Variants in PTCHD4 observed in about 807,000 individuals in gnomAD.
PTCHD4 encodes patched domain containing 4.
PTCHD4 carries 33 observed loss-of-function variants against 58.1 expected under a neutral mutation model. The ratio of observed to expected loss-of-function variants is 0.57; its 90% confidence interval spans 0.43 to 0.76. PTCHD4 has a LOEUF of 0.76. Ranked by LOEUF, PTCHD4 falls within the 30% of genes least tolerant of loss-of-function variation. The probability of loss-of-function intolerance (pLI) is 0.00; values close to 1 mark genes in which losing one functional copy is unlikely to be tolerated. For missense variants in PTCHD4, 1,058 were observed against 1,027.1 expected (o/e 1.03, Z -0.41); for synonymous variants, 478 against 409.6 (o/e 1.17, Z -2.02).
chr6:48,080,577 G>A (rs1328326815), intron 1 of PTCHD4, among the ~76,000 whole-genome samples: 2 of 152,200 alleles, frequency 1.3e-5, no homozygotes, highest in Admixed American at 1.3e-4. Flanking sequence ...ATGCTCTCTA[G>A]AGTTGTACTC....
At chr6:47,935,152 C>T (rs6910860) in intron 4 of PTCHD4, among the ~76,000 whole-genome samples, 2 of 152,046 alleles carry the variant, frequency 1.3e-5, no homozygotes, top group Non-Finnish European at 2.9e-5. Context: ...AAAATCAGAG[C>T]CATTTTTCTT....
At chr6:48,066,288 A>G (rs1428684638) in intron 3 of PTCHD4, among the ~76,000 whole-genome samples, 1 of 152,128 alleles carries the variant, frequency 6.6e-6, no homozygotes, top group Non-Finnish European at 1.5e-5. Context: ...GGGATTTTAT[A>G]CTGTAAATAG....
At chr6:48,032,003 T>C (rs535529056) in intron 3 of PTCHD4, among the ~76,000 whole-genome samples, 10 of 152,240 alleles carry the variant, frequency 6.6e-5, no homozygotes, top group South Asian at 6.2e-4. Context: ...TGCCTTTTAA[T>C]GGTAAATTTG....
intron 3 of PTCHD4, among the ~76,000 whole-genome samples, chr6:48,022,296 C>T (rs1026155395): frequency 6.6e-6 from 1 of 151,540 alleles, no homozygotes; most frequent in Admixed American, 6.6e-5. Context: ...ACCTCAAAGC[C>T]ACAGTGAGGG....
intron 1 of PTCHD4, among the ~76,000 whole-genome samples, chr6:48,070,366 T>G (rs897912868): frequency 6.6e-6 from 1 of 152,162 alleles, no homozygotes. Flanking sequence ...ACAAACAAGC[T>G]AAAGGACTCC....
At chr6:48,085,238 ATTT>A (rs1419940521) in intron 1 of PTCHD4, among the ~76,000 whole-genome samples, 1 of 152,078 alleles carries the variant, frequency 6.6e-6, no homozygotes, top group Non-Finnish European at 1.5e-5. Flanking sequence ...AATACCTTAC[ATTT>A]TTACAAGCTT....
chr6:47,945,455 T>A (rs1766378801), intron 4 of PTCHD4, among the ~76,000 whole-genome samples: 1 of 152,072 alleles, frequency 6.6e-6, no homozygotes, highest in Non-Finnish European at 1.5e-5. Context: ...AGGTAAACTC[T>A]CTCTTAAATT....
rs935896802 is a variant in PTCHD4, at chr6:47,862,338, AT to A, written c.*15964del. ...TACAACCATTTTCAACACATACTAA[AT>A]TTTTTTTGTAGGCTGCTTTCCCCCT... On this transcript the variant is annotated 3_prime_UTR_variant, in exon 5 of 5. Coordinates refer to ENST00000339488, the MANE Select transcript of PTCHD4 (RefSeq NM_001384253.1). Among the ~76,000 whole-genome samples the A allele has an allele frequency of 2.0e-5, 3 of 151,516 alleles. No individual in the cohort carries two copies. Among genetic ancestry groups the A allele is most frequent in the African/African-American group, 4.8e-5 (2 of 41,326 alleles).
chr6:47,950,787 G>T (rs1766615667), intron 4 of PTCHD4, among the ~76,000 whole-genome samples: 1 of 152,142 alleles, frequency 6.6e-6, no homozygotes, highest in Non-Finnish European at 1.5e-5. Flanking sequence ...CGAGTCAATA[G>T]ATAGAGAAAG....
intron 4 of PTCHD4, among the ~76,000 whole-genome samples, chr6:47,921,556 T>C (rs1038706057): frequency 6.6e-6 from 1 of 152,210 alleles, no homozygotes; most frequent in African/African-American, 2.4e-5. Flanking sequence ...CAATGCCGTA[T>C]TAGTTGAAAC....
intron 4 of PTCHD4, among the ~76,000 whole-genome samples, chr6:47,888,855 T>G (rs1486641961): frequency 8.0e-6 from 1 of 125,534 alleles, no homozygotes; most frequent in Non-Finnish European, 1.6e-5. Context: ...CCCCTTCCTG[T>G]GTCCATGTGA....
At chr6:48,107,374 C>T (rs539574962) in intron 1 of PTCHD4, among the ~76,000 whole-genome samples, 1 of 152,070 alleles carries the variant, frequency 6.6e-6, no homozygotes, top group Non-Finnish European at 1.5e-5. Flanking sequence ...TTAATAAATG[C>T]TGCTGGGAAA....
chr6:47,921,923 C>A (rs1485768833), intron 4 of PTCHD4, among the ~76,000 whole-genome samples: 5 of 145,708 alleles, frequency 3.4e-5, no homozygotes, highest in African/African-American at 1.3e-4. Flanking sequence ...CCAGCCTGGG[C>A]AGCATAGCAA....
At chr6:48,101,690 T>C (rs1765606152) in intron 1 of PTCHD4, among the ~76,000 whole-genome samples, 1 of 152,202 alleles carries the variant, frequency 6.6e-6, no homozygotes, top group South Asian at 2.1e-4. Context: ...GCCCCTAAAA[T>C]GTCCAGTCCT....
intron 4 of PTCHD4, among the ~76,000 whole-genome samples, chr6:47,899,104 G>A (rs758758371): frequency 6.6e-6 from 1 of 152,198 alleles, no homozygotes. Flanking sequence ...ACAGGTCTAG[G>A]AGAAACTCTT....
intron 4 of PTCHD4, among the ~76,000 whole-genome samples, chr6:47,937,873 C>G (rs1048223611): frequency 3.3e-5 from 5 of 152,160 alleles, no homozygotes; most frequent in African/African-American, 1.2e-4. Context: ...AATATTTTGG[C>G]TGGGCGGGTT....
intron 1 of PTCHD4, among the ~76,000 whole-genome samples, chr6:48,103,983 C>A (rs537182553): frequency 3.3e-4 from 51 of 152,276 alleles, no homozygotes; most frequent in Middle Eastern, 3.4e-3. Flanking sequence ...AATTGGTGTA[C>A]CTGAAAGTGA....
Position 48,009,068 on chromosome 6 carries a change from T to A in PTCHD4, c.464A>T (p.Glu155Val). ...FIGHQLGGVV[E>V]VPNSKDQRVK... ...CCGCTGATCTTTGCTGTTTGGCACT[T>A]CCACTACCCCGCCCAGTTGGTGTCC... The change falls in exon 4 of 5, where the codon GAA becomes GTA. Residue 155 changes from glutamate to valine, a missense_variant. Transcript: ENST00000339488. 1 of 1,613,724 alleles carries A rather than the reference T, an allele frequency of 6.2e-7. No homozygotes were observed. Among genetic ancestry groups the A allele is most frequent in the Non-Finnish European group, 8.5e-7 (1 of 1,179,780 alleles).
rs139641046 is a variant in PTCHD4 at position 47,879,634 on chromosome 6, T to C, written c.1201A>G (p.Ile401Val). Residue 401 changes from isoleucine (I) to valine (V), a missense_variant, in exon 5 of 5, where the codon ATC becomes GTC. By Grantham distance (29) the Ile-to-Val change is conservative (BLOSUM62 3). Coordinates refer to ENST00000339488, the MANE Select transcript of PTCHD4 (RefSeq NM_001384253.1). ...GQLEQNRYHS[I>V]FCCKIPSAEY... ...GCAGAAGGGATCTTACAGCAAAAGA[T>C]GCTGTGGTAGCGGTTTTGCTCTAGT... The C allele has an allele frequency of 2.6e-5, 42 of 1,613,698 alleles. No homozygotes were observed. In the Admixed American group the frequency reaches 4.5e-4, roughly 17 times the overall value.
Sources: allele counts gnomAD v4.1 joint callset (sites outside exome capture counted in the v4.1 genomes callset), GRCh38; gene constraint gnomAD v4.1.1; transcripts MANE v1.5; gene names NCBI Gene and HGNC (gene_info 2026-07-23, HGNC 2026-07-21).